SEMA6D: variants seen among roughly 807,000 people sequenced by gnomAD.
The protein encoded by SEMA6D is semaphorin-6D.
In SEMA6D, 35 loss-of-function variants were observed where a neutral mutation model predicts 106.6. The ratio of observed to expected loss-of-function variants is 0.33; its 90% CI spans 0.25 to 0.44. The LOEUF is 0.44. Ranked by LOEUF, SEMA6D falls within the 20% of genes least tolerant of loss-of-function variation. The pLI is 1.00. For synonymous variants in SEMA6D, 499 were observed against 487.7 expected, an observed-to-expected ratio of 1.02 and a Z score of -0.31; for missense variants, 1,185 against 1,345.9, an observed-to-expected ratio of 0.88 and a Z score of 1.87.
chr15:47,592,299 T>A (rs1344456135), intron 3 of SEMA6D, among the ~76,000 whole-genome samples: 3 of 152,220 alleles, frequency 2.0e-5, no homozygotes, highest in Non-Finnish European at 4.4e-5. Context: ...TTACTCTGAC[T>A]TTGTGAACCA....
intron 4 of SEMA6D, among the ~76,000 whole-genome samples, chr15:47,662,858 C>CACAG (rs1491585937): frequency 5.5e-5 from 1 of 18,296 alleles, no homozygotes; most frequent in Non-Finnish European, 1.2e-4. Flanking sequence ...TGTATGAGCG[C>CACAG]ACACACACAC....
intron 4 of SEMA6D, among the ~76,000 whole-genome samples, chr15:47,710,813 C>T (rs548865893): frequency 2.0e-5 from 3 of 152,266 alleles, no homozygotes; most frequent in Admixed American, 6.5e-5. Flanking sequence ...AGGCAGACGA[C>T]GGCAAATTCT....
intron 3 of SEMA6D, among the ~76,000 whole-genome samples, chr15:47,471,890 C>A (rs1399826902): frequency 2.8e-5 from 4 of 145,144 alleles, no homozygotes; most frequent in Non-Finnish European, 6.0e-5. Context: ...CAGAGTTCTA[C>A]CTGGCTGTGC....
At chr15:47,350,082 T>G (rs2038256752) in intron 1 of SEMA6D, among the ~76,000 whole-genome samples, 3 of 152,108 alleles carry the variant, frequency 2.0e-5, no homozygotes, top group South Asian at 2.1e-4. Flanking sequence ...CACATATATG[T>G]ATGTGGTCCC....
At chr15:47,666,139 T>A (rs946555401) in intron 4 of SEMA6D, among the ~76,000 whole-genome samples, 44 of 152,184 alleles carry the variant, frequency 2.9e-4, no homozygotes, top group Non-Finnish European at 8.8e-5. Context: ...TAAAGGAAAT[T>A]TTGTATGACA....
At chr15:47,738,276 T>TTTCTGTTCCTG (rs2080575372) in intron 1 of SEMA6D, among the ~76,000 whole-genome samples, 1 of 152,116 alleles carries the variant, frequency 6.6e-6, no homozygotes, top group Non-Finnish European at 1.5e-5. Context: ...CTGTGTTAGT[T>TTTCTGTTCCTG]TGCTGAGGAT....
intron 1 of SEMA6D, among the ~76,000 whole-genome samples, chr15:47,267,305 C>CT (rs982715512): frequency 1.3e-5 from 2 of 150,768 alleles, no homozygotes; most frequent in African/African-American, 2.4e-5. Flanking sequence ...GGGGAAGTCT[C>CT]TTTTTTTTTC....
intron 1 of SEMA6D, among the ~76,000 whole-genome samples, chr15:47,318,140 T>C (rs1235631538): frequency 6.6e-6 from 1 of 151,600 alleles, no homozygotes; most frequent in African/African-American, 2.4e-5. Flanking sequence ...ACTAGGCTTA[T>C]ATTTTATTTT....
chr15:47,254,346 T>TATATATAC (rs1220284308), intron 1 of SEMA6D, among the ~76,000 whole-genome samples: 3 of 147,796 alleles, frequency 2.0e-5, no homozygotes, highest in Non-Finnish European at 4.5e-5. Context: ...TATATATATA[T>TATATATAC]ATATATAAAT....
intron 3 of SEMA6D, among the ~76,000 whole-genome samples, chr15:47,505,381 C>T (rs755200681): frequency 5.3e-5 from 8 of 152,164 alleles, no homozygotes; most frequent in Non-Finnish European, 1.2e-4. Context: ...TCAAAAGTGA[C>T]AACACTTAAA....
At chr15:47,289,873 T>C (rs1465314401) in intron 1 of SEMA6D, among the ~76,000 whole-genome samples, 3 of 151,546 alleles carry the variant, frequency 2.0e-5, no homozygotes, top group Admixed American at 1.3e-4. Flanking sequence ...GGAGTGTTGC[T>C]GGCGGCAGGC....
intron 1 of SEMA6D, among the ~76,000 whole-genome samples, chr15:47,327,216 A>G (rs1048106799): frequency 1.3e-5 from 2 of 152,146 alleles, no homozygotes. Context: ...AAGTTTCTTC[A>G]CTTGTAAAAT....
intron 3 of SEMA6D, among the ~76,000 whole-genome samples, chr15:47,503,240 A>C (rs1447821519): frequency 6.6e-6 from 1 of 152,220 alleles, no homozygotes; most frequent in East Asian, 1.9e-4. Flanking sequence ...TAAGAAAAAA[A>C]ATAGCTTTCT....
At position 47,510,498 on chromosome 15, in the gene SEMA6D, G is replaced by A. The variant is rs116719451; in HGVS notation, c.-87+39953G>A. 9.0e-3 allele frequency among the ~76,000 whole-genome samples: 1,367 copies of A among 152,292 alleles called. 20 individuals are homozygous for A. The highest frequency in any genetic ancestry group is 0.031 in the African/African-American group (1,305 of 41,562). ...AATTAATCTTGTTCAATATATATTT[G>A]TGGATCACCAAATATGTGCCAGCCC... On this transcript the variant is annotated intron_variant, in intron 3 of 19. Coordinates refer to the SEMA6D transcript ENST00000558014.
At chr15:47,621,309 C>T (rs564498050) in intron 4 of SEMA6D, among the ~76,000 whole-genome samples, 1 of 152,298 alleles carries the variant, frequency 6.6e-6, no homozygotes, top group South Asian at 2.1e-4. Flanking sequence ...ATGTCATAAA[C>T]TGCAGTCACG....
intron 1 of SEMA6D, among the ~76,000 whole-genome samples, chr15:47,340,090 G>A (rs2037749679): frequency 6.6e-6 from 1 of 152,092 alleles, no homozygotes; most frequent in South Asian, 2.1e-4. Context: ...TAAGCAGAGG[G>A]GACATTAGGA....
At chr15:47,758,888 T>G (rs1478890947) in intron 1 of SEMA6D, among the ~76,000 whole-genome samples, 1 of 152,182 alleles carries the variant, frequency 6.6e-6, no homozygotes, top group Non-Finnish European at 1.5e-5. Flanking sequence ...GTCCTTTAAT[T>G]TTTTTGGCCC....
chr15:47,380,671 A>G (rs1165513562), intron 1 of SEMA6D: 2 of 152,256 alleles, frequency 1.3e-5, no homozygotes, highest in African/African-American at 4.8e-5. Context: ...AACTCATTTT[A>G]TGGGCATGGA....
intron 1 of SEMA6D, among the ~76,000 whole-genome samples, chr15:47,313,574 GTTTA>G (rs764787403): frequency 3.0e-4 from 45 of 152,088 alleles, no homozygotes; most frequent in Admixed American, 7.2e-4. Flanking sequence ...TTGTTTATTT[GTTTA>G]TTTAAAGCCA....
Sources: allele counts gnomAD v4.1 joint callset (sites outside exome capture counted in the v4.1 genomes callset), GRCh38; gene constraint gnomAD v4.1.1; transcripts MANE v1.5; gene names NCBI Gene and HGNC (gene_info 2026-07-23, HGNC 2026-07-21).